Variants in SLC17A3 observed in about 807,000 individuals in gnomAD.
SLC17A3 encodes solute carrier family 17 member 3, also known as sodium-dependent phosphate transport protein 4.
SLC17A3 carries 61 observed loss-of-function variants against 60.3 expected under a neutral mutation model. That is an observed-to-expected ratio of 1.01 (90% CI 0.82 to 1.25). The LOEUF (loss-of-function observed/expected upper bound fraction) is 1.25, where lower values mean the gene tolerates loss of function less well. SLC17A3 is among the 50% of genes most tolerant of loss of function. The pLI is 0.00. For synonymous variants in SLC17A3, 192 were observed against 208.9 expected, an observed-to-expected ratio of 0.92 and a Z score of 0.70; for missense variants, 624 against 594.9, an observed-to-expected ratio of 1.05 and a Z score of -0.51.
At chr6:25,870,720 C>A (rs1204833817) in intron 1 of SLC17A3, among the ~76,000 whole-genome samples, 5 of 152,006 alleles carry the variant, frequency 3.3e-5, no homozygotes, top group African/African-American at 1.2e-4. Context: ...GAGGCCCCTA[C>A]AACATGGACT....
At chr6:25,852,257 C>T (rs1008415977) in intron 6 of SLC17A3, among the ~76,000 whole-genome samples, 17 of 152,082 alleles carry the variant, frequency 1.1e-4, no homozygotes, top group African/African-American at 3.9e-4. Flanking sequence ...TTAGCTTTGG[C>T]TACTTTAAGA....
chr6:25,853,737 A>T (rs894206833), intron 6 of SLC17A3, among the ~76,000 whole-genome samples: 7 of 151,212 alleles, frequency 4.6e-5, no homozygotes, highest in African/African-American at 1.2e-4. Flanking sequence ...TATTTTTGTT[A>T]TTTTCTTCCT....
intron 2 of SLC17A3, among the ~76,000 whole-genome samples, chr6:25,867,806 T>C (rs1176903726): frequency 6.6e-6 from 1 of 151,920 alleles, no homozygotes; most frequent in Non-Finnish European, 1.5e-5. Context: ...TGGAAAACTA[T>C]ATGCTGTCAA....
chr6:25,858,645 T>A (rs1488787691), intron 5 of SLC17A3, among the ~76,000 whole-genome samples: 1 of 152,194 alleles, frequency 6.6e-6, no homozygotes, highest in Admixed American at 6.5e-5. Context: ...GGTGGTCTTG[T>A]CCAGGACCAG....
rs1024496329 is a variant in SLC17A3, at chr6:25,845,665, T to A, written c.1363-149A>T. 8.9e-5 allele frequency: 76 copies of A among 853,472 alleles called. 1 individual carries two copies. In the South Asian group the frequency reaches 1.1e-3, roughly 12 times the overall value. 52.9% of individuals were successfully genotyped at this position (853,472 alleles called of 1,614,324 possible). A position where few individuals can be genotyped will look rare whatever the true frequency, so the allele number is the denominator to read the frequency against. On this transcript the variant is annotated intron_variant, in intron 11 of 12. Coordinates refer to ENST00000397060, the MANE Select transcript of SLC17A3 (RefSeq NM_001098486.2). ...TGGCTTGATAGTTAAATGCAAAGGATTTCAAAATACATTCAGTGTTCTTAA... is the reference window on the plus strand; with the variant it reads ...TGGCTTGATAGTTAAATGCAAAGGAATTCAAAATACATTCAGTGTTCTTAA...
rs182974005 is a variant in SLC17A3 at position 25,850,678 on chromosome 6, C to T, written c.832-58G>A. On this transcript the variant is annotated intron_variant, in intron 7 of 12. Transcript: ENST00000397060. ...TCCGACAGATGCTCACACACTTAGT[C>T]ACCCTTAAAAATCCAGATTTAAGGC... The T allele has an allele frequency of 2.4e-4, 391 of 1,610,908 alleles. 1 individual carries two copies. The African/African-American group carries it at 3.4e-3, about 14-fold the overall frequency.
chr6:25,859,428 G>C (rs1228731290), intron 5 of SLC17A3, among the ~76,000 whole-genome samples: 2 of 152,082 alleles, frequency 1.3e-5, no homozygotes, highest in East Asian at 3.9e-4. Flanking sequence ...CACAGAAACT[G>C]ATAAATACTA....
intron 11 of SLC17A3, among the ~76,000 whole-genome samples, chr6:25,846,291 T>G (rs1242672914): frequency 4.6e-5 from 7 of 152,168 alleles, no homozygotes; most frequent in Non-Finnish European, 8.8e-5. Flanking sequence ...GAAAACAATG[T>G]TCATAGCAGC....
chr6:25,850,185 G>T lies in SLC17A3; in HGVS notation c.994-8C>A. On this transcript the variant is annotated splice_polypyrimidine_tract_variant and splice_region_variant and intron_variant, in intron 8 of 12. Coordinates refer to ENST00000397060, the MANE Select transcript of SLC17A3 (RefSeq NM_001098486.2). Reference sequence around the variant, plus strand: ...GGCAGATAGAAGTCCATTCTAAAGAGAAAAGATTGAGTAAATTACCATAAT... The same window carrying T: ...GGCAGATAGAAGTCCATTCTAAAGATAAAAGATTGAGTAAATTACCATAAT... 1 of 1,612,344 alleles carries T rather than the reference G, an allele frequency of 6.2e-7. No homozygotes were observed. Among genetic ancestry groups the T allele is most frequent in the Admixed American group, 1.7e-5 (1 of 59,888 alleles).
At chr6:25,848,867 A>G (rs1273430779) in intron 11 of SLC17A3, among the ~76,000 whole-genome samples, 1 of 152,224 alleles carries the variant, frequency 6.6e-6, no homozygotes, top group African/African-American at 2.4e-5. Context: ...AATATCCAGA[A>G]CCTACAATGA....
chr6:25,868,790 G>A (rs1765582866), intron 1 of SLC17A3, among the ~76,000 whole-genome samples: 1 of 151,906 alleles, frequency 6.6e-6, no homozygotes, highest in South Asian at 2.1e-4. Context: ...AAAAGTTGCT[G>A]TTGGCTTAAA....
Position 25,845,418 on chromosome 6 carries a change from T to C in SLC17A3, c.1461A>G (p.Gln487=), listed in dbSNP as rs757143879. The C allele has an allele frequency of 6.2e-7, 1 of 1,614,070 alleles. No individual in the cohort carries two copies. Among genetic ancestry groups the C allele is most frequent in the East Asian group, 2.2e-5 (1 of 44,848 alleles). ...FYLIFGEADV[Q]EWAKERKLTR... ...TGAGTTTTCTCTCTTTAGCCCATTC[T>C]TGGACATCTGCTTCTCCAAATATGA... is the stretch of plus-strand genomic sequence containing the variant. The change falls in exon 12 of 13, where the codon CAA becomes CAG. Residue 487 remains glutamine (Q), a synonymous_variant. Coordinates refer to ENST00000397060, the MANE Select transcript of SLC17A3 (RefSeq NM_001098486.2).
chr6:25,856,375 A>C (rs1765356477), intron 5 of SLC17A3, among the ~76,000 whole-genome samples: 1 of 152,196 alleles, frequency 6.6e-6, no homozygotes, highest in South Asian at 2.1e-4. Context: ...AAATGGAATG[A>C]CAGGTGCATG....
rs915628642 is a variant in SLC17A3, at chr6:25,869,076, C to T, written c.-33-656G>A. On this transcript the variant is annotated intron_variant, in intron 1 of 12. Coordinates refer to ENST00000397060, the MANE Select transcript of SLC17A3 (RefSeq NM_001098486.2). ...TAGTGAGAAGATAACATTCAAATCT[C>T]ATATTATTATTGTCCATAGGTTGAT... Among the ~76,000 whole-genome samples, 3 of 151,902 alleles carry T rather than the reference C, an allele frequency of 2.0e-5. 1 individual carries two copies. Among genetic ancestry groups the T allele is most frequent in the Middle Eastern group, 6.3e-3 (2 of 316 alleles).
At chr6:25,858,594 C>A (rs1376931016) in intron 5 of SLC17A3, among the ~76,000 whole-genome samples, 1 of 152,064 alleles carries the variant, frequency 6.6e-6, no homozygotes, top group Non-Finnish European at 1.5e-5. Flanking sequence ...CACAGCTATT[C>A]CCTTGATTTT....
At chr6:25,869,748 A>G (rs1181174976) in intron 1 of SLC17A3, among the ~76,000 whole-genome samples, 1 of 151,990 alleles carries the variant, frequency 6.6e-6, no homozygotes, top group East Asian at 1.9e-4. Context: ...AACTGCCCCC[A>G]TGATTCAATT....
chr6:25,861,527 G>T, intron 5 of SLC17A3, 97 bp downstream of exon 5: 2 of 931,902 alleles, frequency 2.1e-6, no homozygotes, highest in East Asian at 2.4e-5. Flanking sequence ...CACTGACATT[G>T]AGCAGATGAT....
chr6:25,858,120 A>G (rs912587252), intron 5 of SLC17A3, among the ~76,000 whole-genome samples: 3 of 152,030 alleles, frequency 2.0e-5, no homozygotes, highest in Non-Finnish European at 4.4e-5. Context: ...GGTTCAAGCG[A>G]TTCTCATGAC....
At chr6:25,849,177 T>C (rs896322623) in intron 11 of SLC17A3, among the ~76,000 whole-genome samples, 197 bp downstream of exon 11, 2 of 152,216 alleles carry the variant, frequency 1.3e-5, no homozygotes, top group African/African-American at 2.4e-5. Flanking sequence ...GCAATCACTA[T>C]TTAGTTCTTT....
Sources: gnomAD v4.1 joint callset for allele counts (sites outside exome capture counted in the v4.1 genomes callset) on GRCh38, gnomAD v4.1.1 for gene constraint, MANE v1.5 for transcripts, NCBI Gene and HGNC (gene_info 2026-07-23, HGNC 2026-07-21) for gene names.